Variants in FRMD4A observed in about 807,000 individuals in gnomAD.
FRMD4A encodes FERM domain containing 4A, also known as FERM domain-containing protein 4A.
FRMD4A carries 29 observed loss-of-function variants against 129.1 expected under a neutral mutation model. The ratio of observed to expected loss-of-function variants is 0.22; its 90% confidence interval spans 0.17 to 0.31. FRMD4A has a LOEUF of 0.31. FRMD4A is among the 10% of genes least tolerant of loss of function. The pLI, the probability that FRMD4A is intolerant of heterozygous loss-of-function variation, is 1.00. For missense variants in FRMD4A, 1,272 were observed against 1,375.8 expected, an observed-to-expected ratio of 0.92 and a Z score of 1.19; for synonymous variants, 634 against 571.6, an observed-to-expected ratio of 1.11 and a Z score of -1.56.
At chr10:13,714,092 C>T (rs2088524075) in intron 12 of FRMD4A, among the ~76,000 whole-genome samples, 1 of 97,014 alleles carries the variant, frequency 1.0e-5, no homozygotes, top group African/African-American at 4.1e-5. Flanking sequence ...CACAGTCTCA[C>T]TCTATCCTCC....
chr10:14,319,301 G>T (rs1846875871), intron 2 of FRMD4A, among the ~76,000 whole-genome samples: 1 of 147,488 alleles, frequency 6.8e-6, no homozygotes, highest in Admixed American at 7.0e-5. Flanking sequence ...AAATTACAAA[G>T]TGTGGGATAG....
At chr10:14,131,610 A>G (rs1016276202) in intron 2 of FRMD4A, among the ~76,000 whole-genome samples, 22 of 152,318 alleles carry the variant, frequency 1.4e-4, no homozygotes, top group African/African-American at 5.1e-4. Flanking sequence ...TCAGGCTTCC[A>G]TGTGAGGCTT....
rs1335930055 is a variant in FRMD4A at position 13,657,141 on chromosome 10, C to T, written c.2448G>A (p.Ala816=). 4 of 1,400,744 alleles carry T rather than the reference C, an allele frequency of 2.9e-6. No individual in the cohort carries two copies. The highest frequency in any genetic ancestry group is 2.6e-5 in the South Asian group (2 of 77,508). 86.8% of individuals were successfully genotyped at this position (1,400,744 alleles called of 1,614,324 possible). The part of the protein sequence containing the change: ...ARGGAGGAGG[A]GGGVYLHSQS... ...GGCTGTGCAGGTACACACCGCCCCC[C>T]GCGCCCCCCGCGCCCCCCGCACCCC... The change falls in exon 22 of 25, where the codon GCG becomes GCA. Residue 816 remains alanine, a synonymous_variant. Coordinates refer to ENST00000357447, the MANE Select transcript of FRMD4A (RefSeq NM_018027.5).
At chr10:13,756,788 C>T (rs2091884234) in intron 8 of FRMD4A, among the ~76,000 whole-genome samples, 1 of 152,030 alleles carries the variant, frequency 6.6e-6, no homozygotes, top group Admixed American at 6.5e-5. Context: ...AGTTAAGGTC[C>T]CTTATAGACA....
intron 2 of FRMD4A, among the ~76,000 whole-genome samples, chr10:14,089,996 A>G (rs570520529): frequency 6.6e-6 from 1 of 152,366 alleles, no homozygotes; most frequent in South Asian, 2.1e-4. Flanking sequence ...AGAAGAGAGG[A>G]GAACTCTAGA....
At chr10:14,065,241 T>C (rs561633004) in intron 2 of FRMD4A, among the ~76,000 whole-genome samples, 231 of 152,264 alleles carry the variant, frequency 1.5e-3, no homozygotes, top group African/African-American at 5.1e-3. Context: ...TGGAGTGCAG[T>C]AGCACGATCT....
intron 2 of FRMD4A, among the ~76,000 whole-genome samples, chr10:13,961,849 T>A (rs541837199): frequency 6.6e-6 from 1 of 152,202 alleles, no homozygotes; most frequent in Non-Finnish European, 1.5e-5. Flanking sequence ...TTGTTTACCA[T>A]TTCATCTCCA....
At chr10:13,878,123 T>G (rs1391249552) in intron 2 of FRMD4A, among the ~76,000 whole-genome samples, 1 of 151,708 alleles carries the variant, frequency 6.6e-6, no homozygotes, top group Admixed American at 6.6e-5. Flanking sequence ...ATAAAGATGT[T>G]ATGTTGTATC....
intron 2 of FRMD4A, among the ~76,000 whole-genome samples, chr10:14,287,450 A>G (rs193101448): frequency 1.3e-5 from 2 of 152,312 alleles, no homozygotes; most frequent in Admixed American, 1.3e-4. Context: ...TGATTAGGAT[A>G]CTAGTTAATA....
At chr10:14,158,486 G>A (rs114650768) in intron 2 of FRMD4A, among the ~76,000 whole-genome samples, 1,831 of 152,172 alleles carry the variant, frequency 0.012, 26 homozygotes, top group African/African-American at 0.041. Flanking sequence ...GGTGGTGTGA[G>A]TCTGTGGCCC....
chr10:14,131,609 C>T (rs1839265317), intron 2 of FRMD4A, among the ~76,000 whole-genome samples: 1 of 152,204 alleles, frequency 6.6e-6, no homozygotes, highest in African/African-American at 2.4e-5. Context: ...GTCAGGCTTC[C>T]ATGTGAGGCT....
intron 16 of FRMD4A, among the ~76,000 whole-genome samples, chr10:13,673,586 G>A (rs56164111): frequency 0.044 from 6,638 of 149,894 alleles, 371 homozygotes; most frequent in African/African-American, 0.13. Flanking sequence ...GCGTGCGCGC[G>A]CGCACACACA....
At chr10:14,243,143 A>G (rs1272278181) in intron 2 of FRMD4A, among the ~76,000 whole-genome samples, 3 of 152,216 alleles carry the variant, frequency 2.0e-5, no homozygotes, top group African/African-American at 7.2e-5. Context: ...CCTATGCTAC[A>G]ACACAAATAA....
rs1243903733 is a variant in FRMD4A at position 13,750,060 on chromosome 10, G to GAAA, written c.465-2242_465-2241insTTT. On this transcript the variant is annotated intron_variant, in intron 8 of 24. Coordinates refer to ENST00000357447, the MANE Select transcript of FRMD4A (RefSeq NM_018027.5). ...GAGGGAAAGGAAAGGAAGGAAGGAA[G>GAAA]GAAGGAAGGAAGAAAGAAAGAAAGA... Among the ~76,000 whole-genome samples the GAAA allele has an allele frequency of 3.8e-4, 34 of 90,316 alleles. No homozygotes were observed. In the South Asian group the frequency reaches 7.9e-3, roughly 21 times the overall value. 59.3% of individuals were successfully genotyped at this position (90,316 alleles called of 152,430 possible). A position where few individuals can be genotyped will look rare whatever the true frequency, so the allele number is the denominator to read the frequency against.
intron 2 of FRMD4A, among the ~76,000 whole-genome samples, chr10:13,897,686 C>T (rs1211353933): frequency 6.6e-6 from 1 of 152,098 alleles, no homozygotes; most frequent in African/African-American, 2.4e-5. Context: ...CCTGTAATCC[C>T]AGCACTTTGG....
At position 14,285,053 on chromosome 10, in the gene FRMD4A, G is replaced by A. The variant is rs536607855; in HGVS notation, c.45+45005C>T. ...TATTTAATGAAGGAACACTTTCAAC[G>A]TGCTGATTTTGAATTTGCAATAATC... On this transcript the variant is annotated intron_variant, in intron 2 of 24. Transcript: ENST00000357447. Among the ~76,000 whole-genome samples, 45 of 152,318 alleles carry A rather than the reference G, an allele frequency of 3.0e-4. No individual in the cohort carries two copies. The South Asian group carries it at 8.3e-3, about 28-fold the overall frequency.
chr10:13,819,399 A>T (rs72771044), intron 3 of FRMD4A, among the ~76,000 whole-genome samples: 10,755 of 151,922 alleles, frequency 0.071, 570 homozygotes, highest in Admixed American at 0.18. Flanking sequence ...CTCAAAGCCC[A>T]CTTCCTCCAT....
intron 2 of FRMD4A, among the ~76,000 whole-genome samples, chr10:14,199,315 TTTATTTATTTA>T (rs1842563992): frequency 7.2e-6 from 1 of 139,246 alleles, no homozygotes; most frequent in East Asian, 1.9e-4. Flanking sequence ...TATTTATTTA[TTTATTTATTTA>T]TTATGTTTTG....
At chr10:13,931,616 A>G (rs2095195877) in intron 2 of FRMD4A, among the ~76,000 whole-genome samples, 1 of 152,048 alleles carries the variant, frequency 6.6e-6, no homozygotes, top group African/African-American at 2.4e-5. Context: ...CGTGGGGTGT[A>G]ACTGCCTTTT....
Sources: gnomAD v4.1 joint callset for allele counts (sites outside exome capture counted in the v4.1 genomes callset) on GRCh38, gnomAD v4.1.1 for gene constraint, MANE v1.5 for transcripts, NCBI Gene and HGNC (gene_info 2026-07-23, HGNC 2026-07-21) for gene names.